ZNF850: variants seen among roughly 807,000 people sequenced by gnomAD.
ZNF850 encodes zinc finger protein 850.
ZNF850 carries 2 observed loss-of-function variants against 11.9 expected under a neutral mutation model. The ratio of observed to expected loss-of-function variants is 0.17; its 90% CI spans 0.07 to 0.53. The LOEUF is 0.53. Among genes scored for constraint, ZNF850 ranks in the 20% least tolerant of loss-of-function variants. ZNF850 has a pLI of 0.94. For synonymous variants in ZNF850, 381 were observed against 443.0 expected, an observed-to-expected ratio of 0.86 and a Z score of 1.76; for missense variants, 1,014 against 1,316.4, an observed-to-expected ratio of 0.77 and a Z score of 3.55.
rs1179373745 is a variant in ZNF850 at position 36,743,885 on chromosome 19, T to C, written c.*3882A>G. On this transcript the variant is annotated 3_prime_UTR_variant, in exon 5 of 5. Transcript: ENST00000591344. ...GAGGAGAAATATTGAAACTCCTCTA[T>C]TAAAAGGATTTACCGGCCGGGCACG... 1 of 152,194 alleles carries C rather than the reference T, an allele frequency of 6.6e-6. No individual in the cohort carries two copies. 9.4% of individuals were successfully genotyped at this position (152,194 alleles called of 1,614,324 possible). A position where few individuals can be genotyped will look rare whatever the true frequency, so the allele number is the denominator to read the frequency against.
rs918185582 is a variant in ZNF850 at position 36,746,175 on chromosome 19, T to G, written c.*1592A>C. ...AGTGAACAAGTCTATTGGCTCCATT[T>G]ATTCACCAGCATGTGCTCACTTTGT... On this transcript the variant is annotated 3_prime_UTR_variant, in exon 5 of 5. Transcript: ENST00000591344. 5 of 148,202 alleles carry G rather than the reference T, an allele frequency of 3.4e-5. No homozygotes were observed. Among genetic ancestry groups the G allele is most frequent in the Non-Finnish European group, 7.5e-5 (5 of 66,906 alleles). The allele number at this position is 148,202 out of a possible 1,614,324, so 9.2% of individuals were successfully genotyped here.
Position 36,750,562 on chromosome 19 carries a change from G to A in ZNF850, c.478C>T (p.His160Tyr). The A allele has an allele frequency of 6.5e-7, 1 of 1,536,190 alleles. No homozygotes were observed. The highest frequency in any genetic ancestry group is 8.7e-7 in the Non-Finnish European group (1 of 1,146,924). ...TFCLQTSLTL[H>Y]HRIHPGEKLY... ...TTCTCTCCAGGATGAATCCGATGAT[G>A]CAGAGTGAGAGATGTCTGTAGGCAG... The change falls in exon 5 of 5, where the codon CAT becomes TAT. Residue 160 changes from histidine (H) to tyrosine (Y), a missense_variant. Physicochemically the swap from His to Tyr is moderately conservative, Grantham distance 83. This residue lies in a region of ZNF850 where 835 missense variants were observed against 1,022.0 expected (regional missense o/e 0.82). Coordinates refer to ENST00000591344, the MANE Select transcript of ZNF850 (RefSeq NM_001193552.2).
chr19:36,763,381 C>T (rs183017570), intron 1 of ZNF850, among the ~76,000 whole-genome samples: 46 of 151,156 alleles, frequency 3.0e-4, no homozygotes, highest in Non-Finnish European at 3.5e-4. Context: ...TTAGTCTCTA[C>T]TAAAAATACA....
At chr19:36,756,447 AT>A (rs1233535141) in intron 4 of ZNF850, among the ~76,000 whole-genome samples, 1 of 152,040 alleles carries the variant, frequency 6.6e-6, no homozygotes, top group Non-Finnish European at 1.5e-5. Context: ...CTATGTGTGC[AT>A]TTTTTTCTTT....
At position 36,746,020 on chromosome 19, in the gene ZNF850, A is replaced by G. The variant is rs1210196090; in HGVS notation, c.*1747T>C. ...ATGACCTGTATCTTATGCTGACCTC[A>G]TATCTCATCTTGTGACTTAGAATGA... On this transcript the variant is annotated 3_prime_UTR_variant, in exon 5 of 5. Coordinates refer to ENST00000591344, the MANE Select transcript of ZNF850 (RefSeq NM_001193552.2). 6.6e-6 allele frequency: 1 copy of G among 152,164 alleles called. No individual in the cohort carries two copies. The highest frequency in any genetic ancestry group is 1.5e-5 in the Non-Finnish European group (1 of 68,042). 9.4% of individuals were successfully genotyped at this position (152,164 alleles called of 1,614,324 possible).
intron 4 of ZNF850, among the ~76,000 whole-genome samples, chr19:36,756,460 T>C (rs1055818369): frequency 2.6e-5 from 4 of 152,222 alleles, no homozygotes; most frequent in African/African-American, 9.6e-5. Context: ...TTTTTCTTTT[T>C]ATAAAAATAG....
chr19:36,766,144 G>A (rs1039581410), intron 1 of ZNF850, among the ~76,000 whole-genome samples: 1 of 151,802 alleles, frequency 6.6e-6, no homozygotes, highest in Non-Finnish European at 1.5e-5. Context: ...CACCCAACTC[G>A]GCCTCCCAAA....
At position 36,747,732 on chromosome 19, in the gene ZNF850, A is replaced by G; in HGVS notation, c.*35T>C. 1 of 1,457,096 alleles carries G rather than the reference A, an allele frequency of 6.9e-7. No homozygotes were observed. The highest frequency in any genetic ancestry group is 1.4e-5 in the South Asian group (1 of 70,186). 90.3% of individuals were successfully genotyped at this position (1,457,096 alleles called of 1,614,324 possible). A position where few individuals can be genotyped will look rare whatever the true frequency, so the allele number is the denominator to read the frequency against. ...CACATATGGAATCTGCTGATGATCC[A>G]TGACAAATGGCATGAGAACAGTTTC... On this transcript the variant is annotated 3_prime_UTR_variant, in exon 5 of 5. Transcript: ENST00000591344.
intron 4 of ZNF850, among the ~76,000 whole-genome samples, chr19:36,758,175 A>AAAAT (rs2040498176): frequency 6.6e-6 from 1 of 152,162 alleles, no homozygotes; most frequent in African/African-American, 2.4e-5. Flanking sequence ...CATGCCTTAC[A>AAAAT]GGTGTAGTAT....
Position 36,749,315 on chromosome 19 carries a change from T to G in ZNF850, c.1725A>C (p.Ala575=). 6.4e-7 allele frequency: 1 copy of G among 1,560,502 alleles called. No individual in the cohort carries two copies. The highest frequency in any genetic ancestry group is 2.4e-5 in the East Asian group (1 of 42,152). The change falls in exon 5 of 5, where the codon GCA becomes GCC. Residue 575 remains alanine (A), a synonymous_variant. Coordinates refer to ENST00000591344, the MANE Select transcript of ZNF850 (RefSeq NM_001193552.2). The part of the protein sequence containing the change: ...ECGKSFTSRS[A]LIQHQRIHTG... ...TGTGAATTCGCTGATGTTGAATTAG[T>G]GCTGAGCGAGAAGTAAAAGATTTTC...
Position 36,748,007 on chromosome 19 carries a change from A to G in ZNF850, c.3033T>C (p.Cys1011=). The G allele has an allele frequency of 6.3e-7, 1 of 1,592,084 alleles. No homozygotes were observed. The change falls in exon 5 of 5, where the codon TGT becomes TGC. Residue 1011 remains cysteine, a synonymous_variant. Transcript: ENST00000591344. ...ATCTAAAGGCCTTCCCACATTCCTT[A>G]CAATCATAAGGTTTCTCACCAGTGT... The part of the protein sequence containing the change: ...RTHTGEKPYD[C]KECGKAFRCP...
At chr19:36,765,825 C>T (rs573123867) in intron 1 of ZNF850, among the ~76,000 whole-genome samples, 9 of 152,084 alleles carry the variant, frequency 5.9e-5, no homozygotes, top group South Asian at 4.2e-4. Flanking sequence ...CTCAGGTGAT[C>T]GGCCCTCCTC....
intron 1 of ZNF850, among the ~76,000 whole-genome samples, chr19:36,767,223 C>T (rs555718111): frequency 1.4e-5 from 2 of 146,566 alleles, no homozygotes; most frequent in South Asian, 4.4e-4. Flanking sequence ...GGCAACAGAG[C>T]GAGACTCAGT....
rs768298414 is a variant in ZNF850, at chr19:36,750,182, A to G, written c.858T>C (p.Cys286=). The change falls in exon 5 of 5, where the codon TGT becomes TGC. Residue 286 remains cysteine, a synonymous_variant. Transcript: ENST00000591344. ...TGDKPYECKE[C]GKSFTSGSTL... Reference sequence around the variant, plus strand: ...TTGAGCCAGAAGTAAAAGATTTCCCACATTCTTTACATTCATAAGGTTTGT... The same window carrying G: ...TTGAGCCAGAAGTAAAAGATTTCCCGCATTCTTTACATTCATAAGGTTTGT... The G allele has an allele frequency of 6.5e-7, 1 of 1,539,062 alleles. No homozygotes were observed. The highest frequency in any genetic ancestry group is 1.2e-5 in the South Asian group (1 of 84,064).
chr19:36,765,286 A>T (rs2040542681), intron 1 of ZNF850, among the ~76,000 whole-genome samples: 1 of 152,230 alleles, frequency 6.6e-6, no homozygotes, highest in South Asian at 2.1e-4. Flanking sequence ...CAGCATTCTC[A>T]TAGGGTCAGT....
In ZNF850 at chr19:36,748,097, A is replaced by G. The variant is rs1487936622; in HGVS notation, c.2943T>C (p.Tyr981=). 1 of 1,552,570 alleles carries G rather than the reference A, an allele frequency of 6.4e-7. No homozygotes were observed. The highest frequency in any genetic ancestry group is 8.7e-7 in the Non-Finnish European group (1 of 1,152,306). Residue 981 remains tyrosine, a synonymous_variant, in exon 5 of 5, where the codon TAT becomes TAC. Coordinates refer to ENST00000591344, the MANE Select transcript of ZNF850 (RefSeq NM_001193552.2). Reference sequence around the variant, plus strand: ...AAGATTTCCCACATTCTTTACATTCATAAGGTCTGTCACCGGTATGAATTC... The same window carrying G: ...AAGATTTCCCACATTCTTTACATTCGTAAGGTCTGTCACCGGTATGAATTC... ...HQRIHTGDRP[Y]ECKECGKSFT...
rs2040423404 is a variant in ZNF850 at position 36,748,015 on chromosome 19, A to G, written c.3025T>C (p.Tyr1009His). ...HQRTHTGEKPYDCKECGKAFR... is the reference protein window; with the variant it reads ...HQRTHTGEKPHDCKECGKAFR... ...GCCTTCCCACATTCCTTACAATCAT[A>G]AGGTTTCTCACCAGTGTGAGTTCGC... The change falls in exon 5 of 5, where the codon TAT (tyrosine) becomes CAT (histidine). Residue 1009 changes from tyrosine to histidine, a missense_variant. Physicochemically the swap from Tyr to His is moderately conservative, Grantham distance 83. This residue lies in a region of ZNF850 where 179 missense variants were observed against 294.4 expected (regional missense o/e 0.61). Coordinates refer to ENST00000591344, the MANE Select transcript of ZNF850 (RefSeq NM_001193552.2). 3.8e-6 allele frequency: 6 copies of G among 1,591,780 alleles called. No homozygotes were observed. The highest frequency in any genetic ancestry group is 5.1e-6 in the Non-Finnish European group (6 of 1,171,458).
At chr19:36,762,698 G>A (rs1600614256) in intron 1 of ZNF850, 23 bp from the exon 2 acceptor site, 1 of 1,312,944 alleles carries the variant, frequency 7.6e-7, no homozygotes. Flanking sequence ...AAAACACATT[G>A]ATATATTATT....
intron 3 of ZNF850, 43 bp from the exon 4 acceptor site, chr19:36,761,781 C>T: frequency 8.2e-7 from 1 of 1,220,134 alleles, no homozygotes; most frequent in Non-Finnish European, 1.2e-6. Flanking sequence ...CATGGTGGCT[C>T]ACTCCTATAA....
Sources: allele counts gnomAD v4.1 joint callset (sites outside exome capture counted in the v4.1 genomes callset), GRCh38; gene constraint gnomAD v4.1.1; regional missense constraint gnomAD v4.1.1; transcripts MANE v1.5; gene names NCBI Gene and HGNC (gene_info 2026-07-23, HGNC 2026-07-21).